Variants in SMYD1 observed in about 807,000 individuals in gnomAD.
The protein encoded by SMYD1 is histone-lysine N-methyltransferase SMYD1.
A neutral mutation model predicts 54.0 loss-of-function variants in SMYD1; 49 were observed. That is an observed-to-expected ratio of 0.91 (90% CI 0.72 to 1.15). The LOEUF is 1.15. Among genes scored for constraint, SMYD1 ranks in the 50% most tolerant of loss-of-function variants. The pLI is 0.00. For missense variants in SMYD1, 653 were observed against 639.6 expected (o/e 1.02, Z -0.23); for synonymous variants, 269 against 234.2 (o/e 1.15, Z -1.36).
chr2:88,079,543 TTTGCACAG>T (rs1674140691), intron 1 of SMYD1, among the ~76,000 whole-genome samples: 1 of 152,020 alleles, frequency 6.6e-6, no homozygotes, highest in Non-Finnish European at 1.5e-5. Context: ...GTAAGGGGTC[TTTGCACAG>T]AATTTAAAAA....
intron 4 of SMYD1, among the ~76,000 whole-genome samples, chr2:88,092,541 C>T (rs1674486533): frequency 6.6e-6 from 1 of 152,196 alleles, no homozygotes; most frequent in African/African-American, 2.4e-5. Flanking sequence ...CGGGCCTAAG[C>T]TTCAATATGC....
At chr2:88,094,640 G>C (rs1367925655) in intron 5 of SMYD1, among the ~76,000 whole-genome samples, 2 of 152,200 alleles carry the variant, frequency 1.3e-5, no homozygotes, top group African/African-American at 2.4e-5. Context: ...GTGACATTAA[G>C]TTAATTTGGT....
chr2:88,103,002 G>A (rs1232620376), intron 6 of SMYD1, 56 bp from the exon 7 acceptor site: 1 of 1,370,384 alleles, frequency 7.3e-7, no homozygotes, highest in Non-Finnish European at 1.0e-6. Flanking sequence ...CTATTCAAAG[G>A]TGGAATGGGT....
intron 1 of SMYD1, among the ~76,000 whole-genome samples, chr2:88,076,448 C>T (rs1050806169): frequency 6.6e-6 from 1 of 152,166 alleles, no homozygotes; most frequent in African/African-American, 2.4e-5. Flanking sequence ...TGTTCTCGAT[C>T]TTCTGACTTT....
At chr2:88,087,766 C>G in intron 2 of SMYD1, 96 bp from the exon 3 acceptor site, 1 of 1,105,034 alleles carries the variant, frequency 9.0e-7, no homozygotes, top group Non-Finnish European at 1.3e-6. Flanking sequence ...TATCTTGGGC[C>G]CAACATTGTG....
At position 88,111,897 on chromosome 2, in the gene SMYD1, C is replaced by A. The variant is rs1361393369; in HGVS notation, c.*1385C>A. The A allele has an allele frequency of 8.2e-6, 5 of 611,722 alleles. No homozygotes were observed. Among genetic ancestry groups the A allele is most frequent in the African/African-American group, 1.8e-5 (1 of 54,486 alleles). The allele number at this position is 611,722 out of a possible 1,614,324, so 37.9% of individuals were successfully genotyped here. A position where few individuals can be genotyped will look rare whatever the true frequency, so the allele number is the denominator to read the frequency against. The stretch of plus-strand genomic sequence containing the variant: ...TACCATTGACCTCAGAGCTGTACCC[C>A]ACATCTTGAAGTAAATTGATCCCAC... On this transcript the variant is annotated 3_prime_UTR_variant, in exon 10 of 10. Transcript: ENST00000419482.
At chr2:88,078,878 C>G (rs916035171) in intron 1 of SMYD1, among the ~76,000 whole-genome samples, 1 of 152,232 alleles carries the variant, frequency 6.6e-6, no homozygotes, top group Non-Finnish European at 1.5e-5. Context: ...CAAAGGAAAC[C>G]TAAATTTAAG....
At chr2:88,068,323 C>A (rs988006345) in intron 1 of SMYD1, among the ~76,000 whole-genome samples, 6 of 152,076 alleles carry the variant, frequency 3.9e-5, no homozygotes, top group African/African-American at 1.4e-4. Context: ...AAACATTTTC[C>A]GACAGAAAGC....
intron 1 of SMYD1, among the ~76,000 whole-genome samples, chr2:88,076,712 A>T (rs1674074560): frequency 6.6e-6 from 1 of 152,128 alleles, no homozygotes; most frequent in Admixed American, 6.5e-5. Flanking sequence ...GTTCTTTAAG[A>T]CACCTACCCC....
chr2:88,100,888 C>T (rs1055467579), intron 6 of SMYD1, among the ~76,000 whole-genome samples: 2 of 152,160 alleles, frequency 1.3e-5, no homozygotes, highest in African/African-American at 4.8e-5. Flanking sequence ...GGCCATGGAA[C>T]AAATACAGGT....
chr2:88,110,217 G>GTT, intron 9 of SMYD1, 137 bp from the exon 10 acceptor site: 1 of 822,984 alleles, frequency 1.2e-6, no homozygotes. Context: ...GTGTGTGTGT[G>GTT]TGTGTGTGTG....
In SMYD1 at chr2:88,104,028, A is replaced by G. The variant is rs1171063098; in HGVS notation, c.981+878A>G. Among the ~76,000 whole-genome samples the G allele has an allele frequency of 5.4e-5, 8 of 149,040 alleles. No homozygotes were observed. The East Asian group carries it at 6.0e-4, about 11-fold the overall frequency. On this transcript the variant is annotated intron_variant, in intron 7 of 9. Transcript: ENST00000419482. ...GTCACCCAGGCTGGAGTGCAGTGGC[A>G]CGATTTCGGCTCACTGCAAGCTCTG...
intron 1 of SMYD1, among the ~76,000 whole-genome samples, chr2:88,081,296 ATG>A (rs1221372021): frequency 6.0e-4 from 91 of 152,252 alleles, no homozygotes; most frequent in African/African-American, 2.2e-3. Context: ...CACTTGTTGT[ATG>A]TCAATCATAC....
rs75552354 is a variant in SMYD1 at position 88,073,148 on chromosome 2, G to A, written c.137+5147G>A. Among the ~76,000 whole-genome samples the A allele has an allele frequency of 4.7e-3, 708 of 152,252 alleles. 5 individuals carry two copies. The highest frequency in any genetic ancestry group is 0.016 in the African/African-American group (676 of 41,538). On this transcript the variant is annotated intron_variant, in intron 1 of 9. Transcript: ENST00000419482. ...CAATGTTTATCTCCCACTTCAAAAT[G>A]AAAACATGTTATTTGGTTTTCTGTT...
chr2:88,077,087 T>G lies in SMYD1; in HGVS notation c.138-7229T>G, dbSNP rs372925072. On this transcript the variant is annotated intron_variant, in intron 1 of 9. Transcript: ENST00000419482. ...CTGGCAGGCTGGGAGTTTGTAAGCA[T>G]CCCTGAAAGACAGAACGGTTGAACT... Among the ~76,000 whole-genome samples the G allele has an allele frequency of 6.6e-4, 101 of 152,026 alleles. 1 individual carries two copies. Among genetic ancestry groups the G allele is most frequent in the African/African-American group, 2.4e-3 (98 of 41,468 alleles).
At chr2:88,086,756 C>A (rs772487710) in intron 2 of SMYD1, among the ~76,000 whole-genome samples, 2 of 151,832 alleles carry the variant, frequency 1.3e-5, no homozygotes, top group East Asian at 3.9e-4. Flanking sequence ...TTTCAATCAA[C>A]TTTCTATTAG....
At chr2:88,088,204 G>T in intron 3 of SMYD1, 129 bp downstream of exon 3, 1 of 1,074,870 alleles carries the variant, frequency 9.3e-7, no homozygotes, top group Non-Finnish European at 1.3e-6. Context: ...CCTGGACCCT[G>T]ATTTCTATTT....
Position 88,067,957 on chromosome 2 carries a change from TATC to T in SMYD1, c.97_99del (p.Ile33del), listed in dbSNP as rs1310171983. The stretch of plus-strand genomic sequence containing the variant: ...CCACCAAGGAGTTCTGGGCTGCAGA[TATC>T]ATCTTTGCTGAGCGGGCTTATTCCG... On this transcript the variant is annotated inframe_deletion, in exon 1 of 10. Transcript: ENST00000419482. 6.2e-7 allele frequency: 1 copy of T among 1,613,858 alleles called. No individual in the cohort carries two copies. Among genetic ancestry groups the T allele is most frequent in the African/African-American group, 1.3e-5 (1 of 74,922 alleles).
intron 1 of SMYD1, chr2:88,083,282 C>T (rs1396250846): frequency 6.6e-6 from 1 of 152,190 alleles, no homozygotes; most frequent in Admixed American, 6.5e-5. Context: ...TTCTGTACAT[C>T]ATACCAGATT....
Sources: gnomAD v4.1 joint callset for allele counts (sites outside exome capture counted in the v4.1 genomes callset) on GRCh38, gnomAD v4.1.1 for gene constraint, MANE v1.5 for transcripts, NCBI Gene and HGNC (gene_info 2026-07-23, HGNC 2026-07-21) for gene names.